GAB2: variants seen among roughly 807,000 people sequenced by gnomAD.
GAB2 encodes the protein GRB2-associated-binding protein 2.
GAB2 carries 26 observed loss-of-function variants against 65.5 expected under a neutral mutation model. That is an observed-to-expected ratio of 0.40 (90% CI 0.29 to 0.55). GAB2 has a LOEUF of 0.55. Ranked by LOEUF, GAB2 falls within the 20% of genes least tolerant of loss-of-function variation. The pLI is 0.53. For missense variants in GAB2, 884 were observed against 875.8 expected (o/e 1.01, Z -0.12); for synonymous variants, 321 against 329.6 (o/e 0.97, Z 0.28).
At chr11:78,405,338 A>T (rs553877558) in intron 1 of GAB2, among the ~76,000 whole-genome samples, 50 of 152,218 alleles carry the variant, frequency 3.3e-4, no homozygotes, top group African/African-American at 1.2e-3. Context: ...GACCTCTGTG[A>T]TCTACCTGCC....
chr11:78,265,994 A>T (rs1280341090), intron 2 of GAB2, among the ~76,000 whole-genome samples: 1 of 151,992 alleles, frequency 6.6e-6, no homozygotes, highest in Non-Finnish European at 1.5e-5. Context: ...GCAGGTGGAT[A>T]ACCTGAGGTC....
At chr11:78,252,434 A>T (rs1865481077) in intron 2 of GAB2, among the ~76,000 whole-genome samples, 1 of 152,186 alleles carries the variant, frequency 6.6e-6, no homozygotes, top group Admixed American at 6.5e-5. Flanking sequence ...ACATTATGGG[A>T]CAGAGTAGCC....
intron 1 of GAB2, among the ~76,000 whole-genome samples, chr11:78,312,185 T>TAA (rs11447471): frequency 3.7e-4 from 51 of 138,076 alleles, no homozygotes; most frequent in East Asian, 2.9e-3. Context: ...CTGTGGAGTT[T>TAA]AAAAAAAAAA....
intron 1 of GAB2, among the ~76,000 whole-genome samples, chr11:78,320,811 T>A (rs1310439658): frequency 6.8e-6 from 1 of 147,842 alleles, no homozygotes; most frequent in East Asian, 2.0e-4. Flanking sequence ...GCTCAAGTGA[T>A]CCACCTGCCA....
At chr11:78,248,639 C>G (rs1865360798) in intron 3 of GAB2, among the ~76,000 whole-genome samples, 2 of 152,196 alleles carry the variant, frequency 1.3e-5, no homozygotes, top group Non-Finnish European at 2.9e-5. Flanking sequence ...TGTATTTACT[C>G]TCTACTACTA....
In GAB2 at chr11:78,219,279, T is replaced by C; in HGVS notation, c.2024A>G (p.Lys675Arg). The part of the protein sequence containing the change: ...RQSSEPSKGA[K>R]L The stretch of plus-strand genomic sequence containing the variant: ...TCTGCGGTGGCCCTCTCATCACAGC[T>C]TGGCACCCTTGGAAGGCTCTGAGGA... Residue 675 changes from lysine (K) to arginine (R), a missense_variant, in exon 10 of 10, where the codon AAG (lysine) becomes AGG (arginine). Lys to Arg is a conservative substitution (Grantham distance 26, BLOSUM62 2). Coordinates refer to ENST00000361507, the MANE Select transcript of GAB2 (RefSeq NM_080491.3). 1 of 1,613,324 alleles carries C rather than the reference T, an allele frequency of 6.2e-7. No homozygotes were observed. The highest frequency in any genetic ancestry group is 8.5e-7 in the Non-Finnish European group (1 of 1,179,932).
At chr11:78,398,213 C>T (rs1285861262) in intron 1 of GAB2, among the ~76,000 whole-genome samples, 5 of 152,338 alleles carry the variant, frequency 3.3e-5, no homozygotes, top group South Asian at 2.1e-4. Flanking sequence ...AGGAAAGACA[C>T]GCTGTCTACC....
In GAB2 at chr11:78,219,171, G is replaced by C; in HGVS notation, c.*101C>G. The C allele has an allele frequency of 9.0e-7, 1 of 1,111,224 alleles. No homozygotes were observed. The highest frequency in any genetic ancestry group is 1.4e-5 in the South Asian group (1 of 71,706). The allele number at this position is 1,111,224 out of a possible 1,614,324, so 68.8% of individuals were successfully genotyped here. A position where few individuals can be genotyped will look rare whatever the true frequency, so the allele number is the denominator to read the frequency against. ...TTTGAAGGCTGAGACTGGCAGAGTA[G>C]AGAGGAGGTGGATGGGAGGAAGAAC... On this transcript the variant is annotated 3_prime_UTR_variant, in exon 10 of 10. Coordinates refer to ENST00000361507, the MANE Select transcript of GAB2 (RefSeq NM_080491.3).
At chr11:78,410,280 G>C (rs1398294143) in intron 1 of GAB2, among the ~76,000 whole-genome samples, 1 of 152,238 alleles carries the variant, frequency 6.6e-6, no homozygotes, top group Non-Finnish European at 1.5e-5. Context: ...AAAGCAGGCA[G>C]ATCACTTAAG....
chr11:78,328,826 C>A (rs1039268457), intron 1 of GAB2, among the ~76,000 whole-genome samples: 1 of 151,912 alleles, frequency 6.6e-6, no homozygotes, highest in African/African-American at 2.4e-5. Flanking sequence ...CTTTCTGGAA[C>A]GATGGTAATG....
intron 1 of GAB2, among the ~76,000 whole-genome samples, chr11:78,312,872 G>C (rs1315518003): frequency 6.6e-6 from 1 of 152,110 alleles, no homozygotes; most frequent in African/African-American, 2.4e-5. Flanking sequence ...CCTGCCCCAC[G>C]TGTCTCAGAA....
intron 1 of GAB2, among the ~76,000 whole-genome samples, chr11:78,314,637 T>C (rs1474101475): frequency 1.3e-5 from 2 of 152,192 alleles, no homozygotes; most frequent in Non-Finnish European, 2.9e-5. Context: ...AAGTGTCAAG[T>C]GTATATAGAA....
chr11:78,224,652 G>C (rs1007019829), intron 5 of GAB2, among the ~76,000 whole-genome samples: 7 of 152,144 alleles, frequency 4.6e-5, no homozygotes, highest in African/African-American at 1.4e-4. Flanking sequence ...TGACACCTTG[G>C]AGAACTGCGG....
intron 1 of GAB2, among the ~76,000 whole-genome samples, chr11:78,384,922 G>T (rs530466962): frequency 7.9e-5 from 12 of 152,302 alleles, no homozygotes; most frequent in South Asian, 2.1e-4. Flanking sequence ...GACATTTGAA[G>T]ACATGGCTGT....
intron 1 of GAB2, among the ~76,000 whole-genome samples, chr11:78,399,856 C>G (rs950714849): frequency 2.0e-5 from 3 of 152,154 alleles, no homozygotes; most frequent in Non-Finnish European, 4.4e-5. Flanking sequence ...AAATAAGAAG[C>G]ATTAGTCTAA....
intron 1 of GAB2, among the ~76,000 whole-genome samples, chr11:78,332,151 G>A (rs1855926569): frequency 6.6e-6 from 1 of 152,216 alleles, no homozygotes; most frequent in African/African-American, 2.4e-5. Flanking sequence ...CTGACACAAG[G>A]CGGGAGGAAG....
chr11:78,356,510 T>C (rs561889754), intron 1 of GAB2, among the ~76,000 whole-genome samples: 1 of 152,316 alleles, frequency 6.6e-6, no homozygotes, highest in Admixed American at 6.5e-5. Flanking sequence ...CTTTTTAGCA[T>C]CCCAAAAGAA....
chr11:78,380,417 G>T lies in GAB2; in HGVS notation c.75+37229C>A, dbSNP rs530645609. Among the ~76,000 whole-genome samples, 4 of 152,280 alleles carry T rather than the reference G, an allele frequency of 2.6e-5. No homozygotes were observed. In the South Asian group the frequency reaches 8.3e-4, roughly 32 times the overall value. On this transcript the variant is annotated intron_variant, in intron 1 of 9. Coordinates refer to ENST00000361507, the MANE Select transcript of GAB2 (RefSeq NM_080491.3). ...ACAGGGGTTTCACCACGTTGGCCAGGATGGTCTCAATCTCTTGACCGCGTG... is the reference window on the plus strand; with the variant it reads ...ACAGGGGTTTCACCACGTTGGCCAGTATGGTCTCAATCTCTTGACCGCGTG...
At chr11:78,309,926 ATGTGTGTG>A (rs60718900) in intron 1 of GAB2, among the ~76,000 whole-genome samples, 14,610 of 135,452 alleles carry the variant, frequency 0.11, 839 homozygotes, top group Admixed American at 0.14. Context: ...AGGGTTAGAA[ATGTGTGTG>A]TGTGTGTGTG....
Sources: allele counts gnomAD v4.1 joint callset (sites outside exome capture counted in the v4.1 genomes callset), GRCh38; gene constraint gnomAD v4.1.1; transcripts MANE v1.5; gene names NCBI Gene and HGNC (gene_info 2026-07-23, HGNC 2026-07-21).